Variants in KCNIP4 observed in about 807,000 individuals in gnomAD.
The protein encoded by KCNIP4 is potassium voltage-gated channel interacting protein 4, also known as Kv channel-interacting protein 4.
A neutral mutation model predicts 34.0 loss-of-function variants in KCNIP4; 12 were observed. The ratio of observed to expected loss-of-function variants is 0.35; its 90% CI spans 0.23 to 0.57. The LOEUF (loss-of-function observed/expected upper bound fraction) is 0.57, where lower values mean the gene tolerates loss of function less well. KCNIP4 is among the 20% of genes least tolerant of loss of function. The pLI, the probability that KCNIP4 is intolerant of heterozygous loss-of-function variation, is 0.83. For missense variants in KCNIP4, 238 were observed against 311.7 expected, an observed-to-expected ratio of 0.76 and a Z score of 1.78; for synonymous variants, 124 against 102.2, an observed-to-expected ratio of 1.21 and a Z score of -1.29.
chr4:21,799,621 T>G (rs1281926269), intron 1 of KCNIP4, among the ~76,000 whole-genome samples: 7 of 152,178 alleles, frequency 4.6e-5, no homozygotes, highest in Non-Finnish European at 1.0e-4. Flanking sequence ...AAATATTTGT[T>G]GAATGTGCCA....
intron 1 of KCNIP4, among the ~76,000 whole-genome samples, chr4:21,807,438 T>C (rs1182614155): frequency 6.6e-6 from 1 of 152,204 alleles, no homozygotes; most frequent in East Asian, 1.9e-4. Flanking sequence ...TGTGAATCTA[T>C]AAGAAGGATG....
chr4:21,538,304 C>T (rs1453148724), intron 1 of KCNIP4, among the ~76,000 whole-genome samples: 2 of 152,086 alleles, frequency 1.3e-5, no homozygotes, highest in African/African-American at 2.4e-5. Flanking sequence ...GTTTGTGATA[C>T]TTTGTTATGG....
chr4:21,680,833 T>C (rs1750287875), intron 1 of KCNIP4, among the ~76,000 whole-genome samples: 1 of 152,152 alleles, frequency 6.6e-6, no homozygotes, highest in African/African-American at 2.4e-5. Context: ...TAAACAGACA[T>C]GATGTCATCC....
At chr4:21,403,037 T>A (rs1723674058) in intron 1 of KCNIP4, among the ~76,000 whole-genome samples, 2 of 152,172 alleles carry the variant, frequency 1.3e-5, no homozygotes, top group Non-Finnish European at 2.9e-5. Context: ...ATTGTCATGA[T>A]CACCAAAGAC....
At chr4:21,667,443 G>A (rs1402163560) in intron 1 of KCNIP4, among the ~76,000 whole-genome samples, 1 of 152,162 alleles carries the variant, frequency 6.6e-6, no homozygotes, top group Non-Finnish European at 1.5e-5. Flanking sequence ...GTCTCACAAG[G>A]TATGTGAGAG....
chr4:21,422,658 T>TG (rs1491335531), intron 1 of KCNIP4, among the ~76,000 whole-genome samples: 6 of 123,416 alleles, frequency 4.9e-5, no homozygotes, highest in East Asian at 2.6e-4. Context: ...TATGTGTGTG[T>TG]TTGTGTGTGT....
chr4:21,403,392 A>G (rs1723701327), intron 1 of KCNIP4, among the ~76,000 whole-genome samples: 1 of 152,190 alleles, frequency 6.6e-6, no homozygotes, highest in Admixed American at 6.5e-5. Context: ...TACAATTGAA[A>G]TAGGCTCCTG....
intron 1 of KCNIP4, among the ~76,000 whole-genome samples, chr4:21,190,339 G>A (rs1267062408): frequency 6.6e-6 from 1 of 152,066 alleles, no homozygotes; most frequent in Non-Finnish European, 1.5e-5. Flanking sequence ...CGTTGGTATT[G>A]GTTAGTATTC....
chr4:21,828,030 A>C (rs1375391366), intron 1 of KCNIP4, among the ~76,000 whole-genome samples: 1 of 148,380 alleles, frequency 6.7e-6, no homozygotes, highest in African/African-American at 2.5e-5. Flanking sequence ...AAAAAAAAAA[A>C]CCTGTAGAAA....
chr4:21,466,465 A>G (rs1387464429), intron 1 of KCNIP4, among the ~76,000 whole-genome samples: 1 of 152,168 alleles, frequency 6.6e-6, no homozygotes, highest in Non-Finnish European at 1.5e-5. Context: ...CATTTTATCA[A>G]CAAATATCAT....
chr4:21,628,255 G>A (rs1191003538), intron 1 of KCNIP4, among the ~76,000 whole-genome samples: 2 of 152,050 alleles, frequency 1.3e-5, no homozygotes, highest in African/African-American at 2.4e-5. Context: ...TATTAAACAT[G>A]ATTTAATGAG....
At chr4:21,762,662 C>A (rs1439543759) in intron 1 of KCNIP4, among the ~76,000 whole-genome samples, 1 of 152,080 alleles carries the variant, frequency 6.6e-6, no homozygotes, top group Non-Finnish European at 1.5e-5. Flanking sequence ...TTATTTTATT[C>A]TTTAGTGTTA....
chr4:21,793,789 T>C (rs552146272), intron 1 of KCNIP4, among the ~76,000 whole-genome samples: 44 of 152,242 alleles, frequency 2.9e-4, no homozygotes, highest in African/African-American at 1.0e-3. Flanking sequence ...CAGGGGTATA[T>C]ACCCAAAGGA....
chr4:21,671,164 G>T (rs1024577796), intron 1 of KCNIP4, among the ~76,000 whole-genome samples: 1 of 151,946 alleles, frequency 6.6e-6, no homozygotes. Flanking sequence ...TCATAAAACT[G>T]ATTTAGAAAC....
At chr4:20,919,874 G>A (rs149817209) in intron 1 of KCNIP4, among the ~76,000 whole-genome samples, 2 of 152,070 alleles carry the variant, frequency 1.3e-5, no homozygotes, top group East Asian at 3.9e-4. Flanking sequence ...AGTGGAACTG[G>A]CCTCAGAAAC....
At chr4:21,342,653 T>C (rs1716872987) in intron 1 of KCNIP4, among the ~76,000 whole-genome samples, 3 of 151,910 alleles carry the variant, frequency 2.0e-5, no homozygotes, top group Admixed American at 6.6e-5. Context: ...TACCCAATCA[T>C]TCAAGGAAAA....
intron 1 of KCNIP4, among the ~76,000 whole-genome samples, chr4:21,593,743 T>C (rs7679874): frequency 0.066 from 10,032 of 152,142 alleles, 482 homozygotes; most frequent in African/African-American, 0.13. Context: ...AGTGCACCTA[T>C]ACCAAGACCT....
At chr4:21,013,085 T>C (rs1190090929) in intron 1 of KCNIP4, among the ~76,000 whole-genome samples, 2 of 152,116 alleles carry the variant, frequency 1.3e-5, no homozygotes, top group Non-Finnish European at 2.9e-5. Flanking sequence ...AGTCTTTTAA[T>C]AAATTATAGG....
chr4:21,190,958 C>T (rs573105607), intron 1 of KCNIP4, among the ~76,000 whole-genome samples: 1 of 152,164 alleles, frequency 6.6e-6, no homozygotes, highest in South Asian at 2.1e-4. Flanking sequence ...AGTAATCCTT[C>T]CCTGGATAGG....
Sources: allele counts gnomAD v4.1 joint callset (sites outside exome capture counted in the v4.1 genomes callset), GRCh38; gene constraint gnomAD v4.1.1; transcripts MANE v1.5; gene names NCBI Gene and HGNC (gene_info 2026-07-23, HGNC 2026-07-21).